EYA4: variants seen among roughly 807,000 people sequenced by gnomAD.
EYA4 encodes the protein EYA transcriptional coactivator and phosphatase 4, also known as protein phosphatase EYA4.
EYA4 carries 31 observed loss-of-function variants against 87.9 expected under a neutral mutation model. The observed-to-expected ratio is 0.35, with a 90% CI of 0.27 to 0.48. EYA4 has a LOEUF of 0.48. Among genes scored for constraint, EYA4 ranks in the 20% least tolerant of loss-of-function variants. The pLI is 0.99. For missense variants in EYA4, 678 were observed against 761.4 expected, an observed-to-expected ratio of 0.89 and a Z score of 1.29; for synonymous variants, 263 against 270.6, an observed-to-expected ratio of 0.97 and a Z score of 0.28.
intron 3 of EYA4, among the ~76,000 whole-genome samples, chr6:133,396,197 G>A (rs189842676): frequency 7.8e-4 from 118 of 152,182 alleles, no homozygotes; most frequent in Middle Eastern, 3.4e-3. Context: ...AATGCATTCT[G>A]TCATGTGATT....
At chr6:133,350,239 A>G (rs1783538136) in intron 2 of EYA4, among the ~76,000 whole-genome samples, 1 of 152,126 alleles carries the variant, frequency 6.6e-6, no homozygotes, top group South Asian at 2.1e-4. Context: ...GGGTTACAAG[A>G]ATGAAGACAA....
intron 13 of EYA4, among the ~76,000 whole-genome samples, chr6:133,501,628 G>T (rs1212045987): frequency 2.0e-5 from 3 of 152,000 alleles, no homozygotes; most frequent in African/African-American, 7.2e-5. Flanking sequence ...TCATGGAGCT[G>T]GTCTGCCTTC....
chr6:133,299,658 T>G (rs1432429622), intron 2 of EYA4, among the ~76,000 whole-genome samples: 3 of 150,682 alleles, frequency 2.0e-5, no homozygotes, highest in Admixed American at 6.6e-5. Context: ...CTTGTAGTGA[T>G]CCGAGATCGC....
At chr6:133,391,992 GA>G (rs566782601) in intron 3 of EYA4, among the ~76,000 whole-genome samples, 202 of 152,234 alleles carry the variant, frequency 1.3e-3, no homozygotes, top group Non-Finnish European at 2.3e-3. Flanking sequence ...CTACTATAGA[GA>G]CTTAGAGCTT....
Position 133,462,603 on chromosome 6 carries a change from AT to A in EYA4, c.581-16del. The A allele has an allele frequency of 6.2e-7, 1 of 1,614,006 alleles. No individual in the cohort carries two copies. Among genetic ancestry groups the A allele is most frequent in the Non-Finnish European group, 8.5e-7 (1 of 1,179,934 alleles). On this transcript the variant is annotated splice_polypyrimidine_tract_variant and intron_variant, in intron 8 of 19. Coordinates refer to ENST00000355286, the MANE Select transcript of EYA4 (RefSeq NM_004100.5). ...ATCTTACTAATTAAATGGTTTACAC[AT>A]TCAATTTTCTGAACAGATTTGGGTG...
intron 2 of EYA4, among the ~76,000 whole-genome samples, chr6:133,366,369 A>G (rs961490473): frequency 6.6e-6 from 1 of 152,214 alleles, no homozygotes; most frequent in African/African-American, 2.4e-5. Flanking sequence ...CAGGAGAGTG[A>G]GAGAGTTTAG....
chr6:133,325,326 G>A lies in EYA4; in HGVS notation c.33+50513G>A, dbSNP rs1461488094. ...AGATGGGAAGAGTGTGATCAGTGCT[G>A]CATGCATGTTTAATCAGGTAACAAT... is the stretch of plus-strand genomic sequence containing the variant. On this transcript the variant is annotated intron_variant, in intron 2 of 19. Coordinates refer to ENST00000355286, the MANE Select transcript of EYA4 (RefSeq NM_004100.5). 2.0e-5 allele frequency: 3 copies of A among 152,170 alleles called. No homozygotes were observed. In the East Asian group the frequency reaches 5.8e-4, roughly 29 times the overall value. The allele number at this position is 152,170 out of a possible 1,614,324, so 9.4% of individuals were successfully genotyped here. A position where few individuals can be genotyped will look rare whatever the true frequency, so the allele number is the denominator to read the frequency against.
intron 17 of EYA4, among the ~76,000 whole-genome samples, chr6:133,516,305 T>G (rs1208355359): frequency 6.6e-6 from 1 of 151,928 alleles, no homozygotes; most frequent in Admixed American, 6.6e-5. Context: ...AGTACCTGAG[T>G]GATAAAATAA....
At chr6:133,278,473 C>T (rs987700514) in intron 2 of EYA4, among the ~76,000 whole-genome samples, 12 of 152,178 alleles carry the variant, frequency 7.9e-5, no homozygotes, top group African/African-American at 2.9e-4. Flanking sequence ...ATCTCGTACT[C>T]TTACTTCTTA....
In EYA4 at chr6:133,258,099, G is replaced by A. The variant is rs145586486; in HGVS notation, c.-66+16350G>A. On this transcript the variant is annotated intron_variant, in intron 1 of 19. Transcript: ENST00000355286. ...GATTGTCCAAGTGTGGGCCATAGCAGTGTCTATGGGCAGCACCTGAAGCTA... is the reference window on the plus strand; with the variant it reads ...GATTGTCCAAGTGTGGGCCATAGCAATGTCTATGGGCAGCACCTGAAGCTA... Among the ~76,000 whole-genome samples, 75 of 152,312 alleles carry A rather than the reference G, an allele frequency of 4.9e-4. 1 individual carries two copies. In the East Asian group the frequency reaches 0.013, roughly 27 times the overall value.
chr6:133,485,310 GA>G (rs1339847047), intron 13 of EYA4, among the ~76,000 whole-genome samples: 6 of 152,100 alleles, frequency 3.9e-5, no homozygotes, highest in African/African-American at 1.4e-4. Context: ...AAAACCAAAA[GA>G]AGGAGAATAC....
chr6:133,519,715 T>C (rs1799938829), intron 17 of EYA4, among the ~76,000 whole-genome samples: 1 of 150,374 alleles, frequency 6.7e-6, no homozygotes, highest in Non-Finnish European at 1.5e-5. Context: ...TAGACCAATA[T>C]CCTTGATGAA....
At position 133,407,470 on chromosome 6, in the gene EYA4, G is replaced by C. The variant is rs1227191242; in HGVS notation, c.83+25029G>C. On this transcript the variant is annotated intron_variant, in intron 3 of 19. Transcript: ENST00000355286. ...CTCACCCCCGCCTTCCTTGCTCTTG[G>C]AGCCTTCAGATTTTTCCCCAGTAGC... Among the ~76,000 whole-genome samples the C allele has an allele frequency of 3.3e-5, 5 of 152,028 alleles. No homozygotes were observed. The East Asian group carries it at 5.8e-4, about 18-fold the overall frequency.
chr6:133,485,424 T>A (rs1165103354), intron 13 of EYA4, among the ~76,000 whole-genome samples: 1 of 152,018 alleles, frequency 6.6e-6, no homozygotes, highest in African/African-American at 2.4e-5. Context: ...GGGTAGGCTG[T>A]TCTCTCAAAG....
At chr6:133,244,537 A>G (rs1206653881) in intron 1 of EYA4, among the ~76,000 whole-genome samples, 2 of 151,928 alleles carry the variant, frequency 1.3e-5, no homozygotes, top group East Asian at 1.9e-4. Context: ...AAAATTGCAT[A>G]GAAGTTTCTT....
chr6:133,338,311 G>T (rs1413533233), intron 2 of EYA4, among the ~76,000 whole-genome samples: 1 of 152,254 alleles, frequency 6.6e-6, no homozygotes, highest in East Asian at 1.9e-4. Flanking sequence ...GGCATTTGAT[G>T]TAGATAGTTT....
intron 17 of EYA4, among the ~76,000 whole-genome samples, chr6:133,516,704 C>T (rs1008835800): frequency 1.4e-5 from 2 of 142,176 alleles, no homozygotes; most frequent in Non-Finnish European, 3.0e-5. Flanking sequence ...AGCCTGGAGA[C>T]AGAGCAAGAC....
At chr6:133,341,036 T>C (rs1296681126) in intron 2 of EYA4, among the ~76,000 whole-genome samples, 1 of 152,214 alleles carries the variant, frequency 6.6e-6, no homozygotes, top group Non-Finnish European at 1.5e-5. Flanking sequence ...TAGAAAATGC[T>C]AAGGTCTAGC....
At position 133,512,746 on chromosome 6, in the gene EYA4, A is replaced by G; in HGVS notation, c.1307A>G (p.Asp436Gly). 3 of 1,613,094 alleles carry G rather than the reference A, an allele frequency of 1.9e-6. No individual in the cohort carries two copies. Among genetic ancestry groups the G allele is most frequent in the South Asian group, 1.1e-5 (1 of 91,050 alleles). Reference sequence around the variant, plus strand: ...GAGTGTGATCAAGTTCATATAGATGATGTTTCCTCTGATGATAATGGGCAG... The same window carrying G: ...GAGTGTGATCAAGTTCATATAGATGGTGTTTCCTCTGATGATAATGGGCAG... The part of the protein sequence containing the change: ...LEECDQVHID[D>G]VSSDDNGQDL... Residue 436 changes from aspartate to glycine, a missense_variant, in exon 15 of 20, where the codon GAT (aspartate) becomes GGT (glycine). By Grantham distance (94) the Asp-to-Gly change is moderately conservative. Coordinates refer to ENST00000355286, the MANE Select transcript of EYA4 (RefSeq NM_004100.5).
Sources: allele counts gnomAD v4.1 joint callset (sites outside exome capture counted in the v4.1 genomes callset), GRCh38; gene constraint gnomAD v4.1.1; transcripts MANE v1.5; gene names NCBI Gene and HGNC (gene_info 2026-07-23, HGNC 2026-07-21).